TP63: variants seen among roughly 807,000 people sequenced by gnomAD.
The protein encoded by TP63 is tumor protein p63.
Under a neutral mutation model 82.8 loss-of-function variants are expected in TP63, and 17 were observed. The ratio of observed to expected loss-of-function variants is 0.21; its 90% CI spans 0.14 to 0.31. The LOEUF (loss-of-function observed/expected upper bound fraction) is 0.31, where lower values mean the gene tolerates loss of function less well. Among genes scored for constraint, TP63 ranks in the 10% least tolerant of loss-of-function variants. The probability of loss-of-function intolerance (pLI) is 1.00; values close to 1 mark genes in which losing one functional copy is unlikely to be tolerated. For missense variants in TP63, 648 were observed against 895.3 expected (o/e 0.72, Z 3.52); for synonymous variants, 330 against 321.7 (o/e 1.03, Z -0.28).
intron 4 of TP63, among the ~76,000 whole-genome samples, chr3:189,842,347 GA>G (rs1284342009): frequency 2.6e-5 from 4 of 152,172 alleles, no homozygotes; most frequent in African/African-American, 9.7e-5. Context: ...GTTTTACAGT[GA>G]AAAGATTACA....
chr3:189,813,592 G>A (rs1285212548), intron 4 of TP63, among the ~76,000 whole-genome samples: 2 of 98,400 alleles, frequency 2.0e-5, no homozygotes, highest in Non-Finnish European at 5.0e-5. Context: ...AAATCCTCAG[G>A]TTGTTTTTTT....
intron 10 of TP63, among the ~76,000 whole-genome samples, chr3:189,877,801 A>G (rs76230068): frequency 2.5e-3 from 379 of 152,334 alleles, no homozygotes; most frequent in African/African-American, 8.8e-3. Flanking sequence ...GCTCTTTGTA[A>G]TGTTGTGTTC....
At chr3:189,814,122 C>T (rs2889922) in intron 4 of TP63, among the ~76,000 whole-genome samples, 7,643 of 152,274 alleles carry the variant, frequency 0.05, 257 homozygotes, top group Middle Eastern at 0.1. Flanking sequence ...CTGAGATGCG[C>T]GCCTGCGGCC....
chr3:189,737,663 AGAG>A, intron 1 of TP63, 74 bp from the exon 2 acceptor site: 2 of 1,508,508 alleles, frequency 1.3e-6, no homozygotes, highest in East Asian at 4.5e-5. Flanking sequence ...TTTTCATGAT[AGAG>A]TATGCTTTAA....
At chr3:189,681,399 A>G (rs1251336188) in intron 1 of TP63, among the ~76,000 whole-genome samples, 1 of 152,200 alleles carries the variant, frequency 6.6e-6, no homozygotes. Context: ...AAATAACTTG[A>G]AGCCAAGTTT....
intron 3 of TP63, among the ~76,000 whole-genome samples, chr3:189,772,184 G>A (rs1723427535): frequency 6.6e-6 from 1 of 152,166 alleles, no homozygotes; most frequent in Non-Finnish European, 1.5e-5. Flanking sequence ...ATTTCATGGA[G>A]AGCTAGTTTG....
chr3:189,709,056 G>T (rs1259483959), intron 1 of TP63, among the ~76,000 whole-genome samples: 1 of 152,000 alleles, frequency 6.6e-6, no homozygotes, highest in Non-Finnish European at 1.5e-5. Context: ...ATCCTTGTTT[G>T]CTGTTTTATT....
chr3:189,880,007 T>G, intron 10 of TP63: 1 of 1,591,982 alleles, frequency 6.3e-7, no homozygotes, highest in Admixed American at 1.8e-5. Flanking sequence ...TTCAATTGAT[T>G]TGAATAGATG....
intron 3 of TP63, among the ~76,000 whole-genome samples, chr3:189,740,661 G>A (rs570152221): frequency 1.4e-4 from 22 of 152,136 alleles, no homozygotes; most frequent in East Asian, 5.8e-4. Flanking sequence ...CACCACACCC[G>A]GCTGATTTTT....
Position 189,645,891 on chromosome 3 carries a change from A to G in TP63, c.62+14314A>G, listed in dbSNP as rs982342016. Among the ~76,000 whole-genome samples, 18 of 147,266 alleles carry G rather than the reference A, an allele frequency of 1.2e-4. No individual in the cohort carries two copies. The South Asian group carries it at 1.3e-3, about 11-fold the overall frequency. ...TGGAATATACACCACATTATCCACTATGTTGGTTGATGGGCACATAAGCTG... is the reference window on the plus strand; with the variant it reads ...TGGAATATACACCACATTATCCACTGTGTTGGTTGATGGGCACATAAGCTG... On this transcript the variant is annotated intron_variant, in intron 1 of 13. Coordinates refer to ENST00000264731, the MANE Select transcript of TP63 (RefSeq NM_003722.5).
intron 3 of TP63, among the ~76,000 whole-genome samples, chr3:189,768,666 A>G (rs972068293): frequency 3.3e-5 from 5 of 152,146 alleles, no homozygotes; most frequent in Non-Finnish European, 7.4e-5. Flanking sequence ...ATGATACAAT[A>G]TCTCCCGCTG....
At chr3:189,698,781 A>G (rs1717586279) in intron 1 of TP63, among the ~76,000 whole-genome samples, 1 of 152,180 alleles carries the variant, frequency 6.6e-6, no homozygotes, top group African/African-American at 2.4e-5. Flanking sequence ...TATCTAAACT[A>G]TATAATATTT....
chr3:189,667,738 A>T (rs1714527365), intron 1 of TP63, among the ~76,000 whole-genome samples: 1 of 152,154 alleles, frequency 6.6e-6, no homozygotes, highest in Admixed American at 6.6e-5. Flanking sequence ...TAATATCCTG[A>T]GTATTCAACT....
intron 4 of TP63, among the ~76,000 whole-genome samples, chr3:189,839,040 TAAAA>T (rs5855274): frequency 2.3e-5 from 2 of 88,588 alleles, no homozygotes; most frequent in Middle Eastern, 6.8e-3. Flanking sequence ...TATCCTAAGC[TAAAA>T]AAAAAAAAAA....
At chr3:189,774,645 C>T (rs1723640646) in intron 3 of TP63, among the ~76,000 whole-genome samples, 1 of 152,162 alleles carries the variant, frequency 6.6e-6, no homozygotes, top group Non-Finnish European at 1.5e-5. Flanking sequence ...ACAACCCTTA[C>T]AGTTACCTGT....
intron 9 of TP63, among the ~76,000 whole-genome samples, chr3:189,870,085 G>A (rs1718233952): frequency 1.3e-5 from 2 of 152,082 alleles, no homozygotes; most frequent in Admixed American, 1.3e-4. Flanking sequence ...CATTATTTGA[G>A]AATGATAAGA....
At chr3:189,873,269 T>C (rs1718656526) in intron 10 of TP63, 1 of 498,252 alleles carries the variant, frequency 2.0e-6, no homozygotes, top group Non-Finnish European at 3.7e-6. Flanking sequence ...TTCTCGTCTC[T>C]ATATGCCTGG....
At chr3:189,601,006 G>T in the TP63 span, among the ~76,000 whole-genome samples, 254 of 151,874 alleles carry the variant, frequency 1.7e-3, no homozygotes, top group African/African-American at 5.9e-3. Context: ...TTAGTGTTGT[G>T]CTTCTATTAC....
chr3:189,891,360 G>A (rs1370860366), intron 13 of TP63, among the ~76,000 whole-genome samples: 3 of 152,182 alleles, frequency 2.0e-5, no homozygotes, highest in African/African-American at 7.2e-5. Context: ...TAAGCTTACA[G>A]TCTTTAACTT....
Sources: gnomAD v4.1 joint callset for allele counts (sites outside exome capture counted in the v4.1 genomes callset) on GRCh38, gnomAD v4.1.1 for gene constraint, MANE v1.5 for transcripts, NCBI Gene and HGNC (gene_info 2026-07-23, HGNC 2026-07-21) for gene names.